The following ROBO2 variants were observed in gnomAD, a reference collection of about 807,000 sequenced individuals.
ROBO2 encodes the protein roundabout homolog 2.
In ROBO2, 53 loss-of-function variants were observed where a neutral mutation model predicts 160.8. That is an observed-to-expected ratio of 0.33 (90% CI 0.26 to 0.41). The LOEUF is 0.41. Ranked by LOEUF, ROBO2 falls within the 10% of genes least tolerant of loss-of-function variation. ROBO2 has a pLI of 1.00. For synonymous variants in ROBO2, 664 were observed against 611.7 expected, an observed-to-expected ratio of 1.09 and a Z score of -1.26; for missense variants, 1,577 against 1,722.4, an observed-to-expected ratio of 0.92 and a Z score of 1.49.
At chr3:76,606,918 T>C (rs2087707212) in intron 2 of ROBO2, among the ~76,000 whole-genome samples, 1 of 152,176 alleles carries the variant, frequency 6.6e-6, no homozygotes, top group South Asian at 2.1e-4. Flanking sequence ...ATATGCTCAA[T>C]ATAAATATAT....
intron 19 of ROBO2, among the ~76,000 whole-genome samples, chr3:77,601,831 T>A (rs1559702698): frequency 6.6e-6 from 1 of 152,204 alleles, no homozygotes. Context: ...GAAAGAGATG[T>A]TTTTCATCTG....
chr3:77,010,904 T>A (rs2061854944), intron 2 of ROBO2, among the ~76,000 whole-genome samples: 1 of 134,328 alleles, frequency 7.4e-6, no homozygotes, highest in South Asian at 2.9e-4. Flanking sequence ...TTCTTCTCCT[T>A]CCTTTCTTCC....
chr3:77,647,370 G>T (rs1256842094), exon 26 of ROBO2: 1 of 152,066 alleles, frequency 6.6e-6, no homozygotes, highest in Non-Finnish European at 1.5e-5. Context: ...ATATTCTATG[G>T]TACATTCTCA....
At chr3:77,331,852 C>T (rs941183628) in intron 2 of ROBO2, among the ~76,000 whole-genome samples, 10 of 152,108 alleles carry the variant, frequency 6.6e-5, no homozygotes, top group Admixed American at 2.0e-4. Flanking sequence ...ATTACAGGCA[C>T]GTGCCACCAC....
chr3:76,065,777 G>T (rs2068235561), intron 2 of ROBO2, among the ~76,000 whole-genome samples: 1 of 146,354 alleles, frequency 6.8e-6, no homozygotes, highest in Non-Finnish European at 1.5e-5. Context: ...ACACATATAT[G>T]CTGCCATTTG....
intron 2 of ROBO2, among the ~76,000 whole-genome samples, chr3:76,277,800 TTAAA>T (rs1243647258): frequency 2.0e-5 from 3 of 151,932 alleles, no homozygotes; most frequent in African/African-American, 7.2e-5. Context: ...ATATTAAAAA[TTAAA>T]TAAGTAAAAG....
At chr3:76,244,083 T>A (rs1251608642) in intron 2 of ROBO2, among the ~76,000 whole-genome samples, 1 of 152,198 alleles carries the variant, frequency 6.6e-6, no homozygotes, top group African/African-American at 2.4e-5. Flanking sequence ...TCATATCTTA[T>A]TGAATCTACA....
chr3:77,133,417 C>T (rs537820383), intron 2 of ROBO2, among the ~76,000 whole-genome samples: 31 of 152,242 alleles, frequency 2.0e-4, no homozygotes, highest in African/African-American at 7.5e-4. Context: ...AGATTTCACT[C>T]AGGGAAATCA....
chr3:76,936,796 T>A (rs1342459974), intron 2 of ROBO2, among the ~76,000 whole-genome samples: 3 of 146,410 alleles, frequency 2.0e-5, no homozygotes, highest in African/African-American at 7.7e-5. Flanking sequence ...TTTAACTCAA[T>A]TTTACTTTAT....
intron 2 of ROBO2, among the ~76,000 whole-genome samples, chr3:77,109,403 T>A (rs990970460): frequency 3.3e-5 from 5 of 151,982 alleles, no homozygotes; most frequent in Non-Finnish European, 4.4e-5. Context: ...AACATGAAAA[T>A]ATTAACAAAA....
intron 2 of ROBO2, among the ~76,000 whole-genome samples, chr3:77,187,497 T>C (rs1226474130): frequency 6.6e-6 from 1 of 151,928 alleles, no homozygotes; most frequent in Non-Finnish European, 1.5e-5. Flanking sequence ...TTTATCTCTA[T>C]AGTTGTTTTT....
chr3:76,747,705 T>G (rs17014640), intron 2 of ROBO2, among the ~76,000 whole-genome samples: 11,919 of 151,942 alleles, frequency 0.078, 606 homozygotes, highest in East Asian at 0.2. Flanking sequence ...AGCTAAAACA[T>G]GACTAAATCC....
chr3:77,059,139 C>G (rs547003321), intron 1 of ROBO2, among the ~76,000 whole-genome samples: 1 of 151,960 alleles, frequency 6.6e-6, no homozygotes, highest in African/African-American at 2.4e-5. Flanking sequence ...CTGGAGAACT[C>G]CCTGGGGAAG....
intron 2 of ROBO2, among the ~76,000 whole-genome samples, chr3:76,133,328 C>A (rs1445463511): frequency 6.6e-6 from 1 of 151,894 alleles, no homozygotes; most frequent in South Asian, 2.1e-4. Context: ...AAAAACCAAT[C>A]GAATTTACCC....
intron 2 of ROBO2, among the ~76,000 whole-genome samples, chr3:76,063,220 A>G (rs564868256): frequency 6.6e-6 from 1 of 152,296 alleles, no homozygotes; most frequent in African/African-American, 2.4e-5. Flanking sequence ...CATGAGCATA[A>G]TGTAATGTGG....
At chr3:75,966,568 A>T (rs1206322829) in intron 2 of ROBO2, among the ~76,000 whole-genome samples, 1 of 151,664 alleles carries the variant, frequency 6.6e-6, no homozygotes, top group Non-Finnish European at 1.5e-5. Flanking sequence ...TCAGCCACCC[A>T]ATATGGCATG....
At chr3:76,432,501 C>T (rs1195556782) in intron 2 of ROBO2, among the ~76,000 whole-genome samples, 1 of 152,118 alleles carries the variant, frequency 6.6e-6, no homozygotes, top group Non-Finnish European at 1.5e-5. Context: ...CTGCAGTTAT[C>T]TCTAGACTTC....
chr3:77,170,528 A>G (rs1483396745), intron 2 of ROBO2, among the ~76,000 whole-genome samples: 1 of 152,072 alleles, frequency 6.6e-6, no homozygotes, highest in African/African-American at 2.4e-5. Context: ...GTCAGTAAGC[A>G]TTGGTGATTT....
intron 2 of ROBO2, among the ~76,000 whole-genome samples, chr3:77,386,634 G>A (rs1438462183): frequency 2.4e-4 from 8 of 32,838 alleles, no homozygotes; most frequent in Non-Finnish European, 4.9e-4. Flanking sequence ...ATAGAGCCTC[G>A]CTCCGTCACC....
Sources: gnomAD v4.1 joint callset for allele counts (sites outside exome capture counted in the v4.1 genomes callset) on GRCh38, gnomAD v4.1.1 for gene constraint, MANE v1.5 for transcripts, NCBI Gene and HGNC (gene_info 2026-07-23, HGNC 2026-07-21) for gene names.